The following CSF2RA variants were observed in gnomAD, a reference collection of about 807,000 sequenced individuals.
CSF2RA encodes the protein granulocyte-macrophage colony-stimulating factor receptor subunit alpha.
A neutral mutation model predicts 51.6 loss-of-function variants in CSF2RA; 42 were observed. That is an observed-to-expected ratio of 0.81 (90% confidence interval 0.64 to 1.05). The LOEUF (loss-of-function observed/expected upper bound fraction) is 1.05, where lower values mean the gene tolerates loss of function less well. Ranked by LOEUF, CSF2RA falls within the 50% of genes least tolerant of loss-of-function variation. The probability of loss-of-function intolerance (pLI) is 0.00; values close to 1 mark genes in which losing one functional copy is unlikely to be tolerated. For synonymous variants in CSF2RA, 222 were observed against 193.0 expected (o/e 1.15, Z -1.24); for missense variants, 530 against 501.1 (o/e 1.06, Z -0.55).
chrX:1,298,936 A>G (rs1456427956), intron 9 of CSF2RA, among the ~76,000 whole-genome samples: 1 of 151,324 alleles, frequency 6.6e-6, no homozygotes, highest in African/African-American at 2.4e-5. Context: ...CAGTTGAACC[A>G]CTCACAACCC....
the CSF2RA span, among the ~76,000 whole-genome samples, chrX:1,322,271 ATT>A: frequency 0.033 from 4,633 of 138,454 alleles, 94 homozygotes; most frequent in African/African-American, 0.05. Flanking sequence ...TCACCCGGCT[ATT>A]TTTTTTTTTT....
the CSF2RA span, among the ~76,000 whole-genome samples, chrX:1,316,059 A>AATAGATGATAGATAGATAG: frequency 1.3e-5 from 2 of 149,036 alleles, no homozygotes; most frequent in Non-Finnish European, 3.0e-5. Context: ...TAGATAGATC[A>AATAGATGATAGATAGATAG]ATAGATAGAT....
intron 6 of CSF2RA, 93 bp downstream of exon 6, chrX:1,288,981 A>G: frequency 6.4e-7 from 1 of 1,555,098 alleles, no homozygotes; most frequent in Admixed American, 1.7e-5. Context: ...TCTTTTTTTA[A>G]GACATGGTCT....
intron 4 of CSF2RA, among the ~76,000 whole-genome samples, chrX:1,287,634 G>A (rs1351159531): frequency 1.4e-5 from 2 of 143,530 alleles, no homozygotes; most frequent in Non-Finnish European, 1.5e-5. Flanking sequence ...AGTAGAGACG[G>A]GGTTTCACCA....
Position 1,309,650 on chromosome X carries a change from G to A in CSF2RA, c.*171G>A. Reference sequence around the variant, plus strand: ...GCCTGTAATCCCAGCACTTTGGGAGGCCAAGGCAGGCGGATCACCTGAGGT... The same window carrying A: ...GCCTGTAATCCCAGCACTTTGGGAGACCAAGGCAGGCGGATCACCTGAGGT... On this transcript the variant is annotated 3_prime_UTR_variant, in exon 13 of 13. Transcript: ENST00000381529. 1.4e-6 allele frequency: 2 copies of A among 1,480,366 alleles called. No homozygotes were observed. The highest frequency in any genetic ancestry group is 2.0e-4 in the Middle Eastern group (1 of 5,060). The allele number at this position is 1,480,366 out of a possible 1,614,324, so 91.7% of individuals were successfully genotyped here. A position where few individuals can be genotyped will look rare whatever the true frequency, so the allele number is the denominator to read the frequency against.
intron 2 of CSF2RA, among the ~76,000 whole-genome samples, chrX:1,275,104 A>G (rs746770990): frequency 4.0e-5 from 6 of 151,304 alleles, no homozygotes; most frequent in South Asian, 2.1e-4. Context: ...AAAAAAAAAA[A>G]AGAGCCGGCC....
intron 6 of CSF2RA, 134 bp downstream of exon 6, chrX:1,289,022 T>C: frequency 2.4e-6 from 3 of 1,229,786 alleles, no homozygotes; most frequent in Non-Finnish European, 3.5e-6. Flanking sequence ...AATGCAATGG[T>C]GCCACCTCGG....
At position 1,307,067 on chromosome X, in the gene CSF2RA, C is replaced by A. The variant is rs28693800; in HGVS notation, c.1125+1540C>A. Among the ~76,000 whole-genome samples the A allele has an allele frequency of 4.5e-3, 688 of 152,098 alleles. 17 individuals are homozygous for A. Among genetic ancestry groups the A allele is most frequent in the East Asian group, 0.037 (190 of 5,166 alleles). On this transcript the variant is annotated intron_variant, in intron 12 of 12. Coordinates refer to ENST00000381529, the MANE Select transcript of CSF2RA (RefSeq NM_172245.4). The stretch of plus-strand genomic sequence containing the variant: ...GGCGAGGAACCATGTGACCTGCACC[C>A]TGAGACCCCATTGGCGCTCCTCTCC...
intron 11 of CSF2RA, among the ~76,000 whole-genome samples, chrX:1,304,908 A>T (rs2083405124): frequency 6.8e-6 from 1 of 147,640 alleles, no homozygotes; most frequent in South Asian, 2.1e-4. Flanking sequence ...CAGGTGATCC[A>T]CCCGCCTTCG....
downstream of CSF2RA, among the ~76,000 whole-genome samples, chrX:1,315,233 CAAAAG>C (rs1468796474): frequency 6.6e-6 from 1 of 150,804 alleles, no homozygotes; most frequent in African/African-American, 2.4e-5. Context: ...AAATGGGTCT[CAAAAG>C]AAATTTAAAA....
downstream of CSF2RA, chrX:1,310,161 TG>T (rs1174656771): frequency 9.2e-6 from 2 of 217,376 alleles, no homozygotes; most frequent in Non-Finnish European, 1.8e-5. Flanking sequence ...CACTCCAGCC[TG>T]GGTAACAAAC....
chrX:1,303,900 C>A (rs757260264), intron 10 of CSF2RA, 23 bp from the exon 11 acceptor site: 2 of 1,587,184 alleles, frequency 1.3e-6, no homozygotes, highest in Admixed American at 1.7e-5. Flanking sequence ...TCACCGCAGA[C>A]GCAAACCTGT....
At chrX:1,285,063 T>TA (rs1223156277) in intron 3 of CSF2RA, among the ~76,000 whole-genome samples, 94 of 150,484 alleles carry the variant, frequency 6.2e-4, no homozygotes, top group African/African-American at 2.1e-3. Flanking sequence ...TTTAAATTTT[T>TA]AAAAAAAAAT....
chrX:1,315,126 G>A (rs2084519184), downstream of CSF2RA, among the ~76,000 whole-genome samples: 3 of 152,012 alleles, frequency 2.0e-5, no homozygotes, highest in South Asian at 6.2e-4. Flanking sequence ...CACTGTGGGG[G>A]GGAGGGTCAT....
the CSF2RA span, among the ~76,000 whole-genome samples, chrX:1,323,540 G>A: frequency 6.6e-6 from 1 of 152,050 alleles, no homozygotes; most frequent in African/African-American, 2.4e-5. Context: ...CTCTCAGGTG[G>A]TGCTAGTGAT....
intron 2 of CSF2RA, among the ~76,000 whole-genome samples, chrX:1,275,485 C>T (rs2089058383): frequency 1.3e-5 from 2 of 152,100 alleles, no homozygotes; most frequent in South Asian, 4.1e-4. Flanking sequence ...CCTGAGAACA[C>T]GTATCCAAGC....
At chrX:1,314,320 C>T (rs1569514762), downstream of CSF2RA, among the ~76,000 whole-genome samples, 1 of 140,524 alleles carries the variant, frequency 7.1e-6, no homozygotes, top group African/African-American at 2.6e-5. Context: ...TGCCCAACCA[C>T]ACTGCACCTG....
the CSF2RA span, among the ~76,000 whole-genome samples, chrX:1,316,244 T>TGATTA: frequency 1.8e-5 from 2 of 112,784 alleles, no homozygotes; most frequent in African/African-American, 7.0e-5. Flanking sequence ...AGATGACAGA[T>TGATTA]GATAGATTAG....
intron 12 of CSF2RA, among the ~76,000 whole-genome samples, chrX:1,308,972 C>T (rs1382305552): frequency 2.6e-5 from 4 of 152,106 alleles, no homozygotes; most frequent in Non-Finnish European, 5.9e-5. Flanking sequence ...TCATGCCTGT[C>T]ATCCCAGCAC....
Sources: gnomAD v4.1 joint callset for allele counts (sites outside exome capture counted in the v4.1 genomes callset) on GRCh38, gnomAD v4.1.1 for gene constraint, MANE v1.5 for transcripts, NCBI Gene and HGNC (gene_info 2026-07-23, HGNC 2026-07-21) for gene names.